Variants in EXOC6B observed in about 807,000 individuals in gnomAD.
The protein encoded by EXOC6B is SEC15 homolog B.
A neutral mutation model predicts 113.5 loss-of-function variants in EXOC6B; 54 were observed. That is an observed-to-expected ratio of 0.48 (90% CI 0.38 to 0.60). EXOC6B has a LOEUF of 0.60. Among genes scored for constraint, EXOC6B ranks in the 20% least tolerant of loss-of-function variants. The pLI is 0.00. For synonymous variants in EXOC6B, 357 were observed against 339.0 expected (o/e 1.05, Z -0.58); for missense variants, 797 against 977.5 (o/e 0.82, Z 2.46).
At chr2:72,433,379 G>A (rs1695664348) in intron 18 of EXOC6B, among the ~76,000 whole-genome samples, 2 of 152,052 alleles carry the variant, frequency 1.3e-5, no homozygotes, top group African/African-American at 4.8e-5. Context: ...ATATTGTCTT[G>A]GCTACATGGG....
At chr2:72,405,587 A>G (rs1693686891) in intron 18 of EXOC6B, among the ~76,000 whole-genome samples, 1 of 152,230 alleles carries the variant, frequency 6.6e-6, no homozygotes. Context: ...CAAGAATTTC[A>G]TATCCAGCAA....
At chr2:72,391,071 C>G (rs1692344521) in intron 18 of EXOC6B, among the ~76,000 whole-genome samples, 2 of 152,192 alleles carry the variant, frequency 1.3e-5, no homozygotes. Flanking sequence ...TGGGTTCACC[C>G]TTTCTTGCAC....
intron 11 of EXOC6B, among the ~76,000 whole-genome samples, chr2:72,505,085 ATTGTAGT>A (rs1700528811): frequency 1.3e-5 from 2 of 151,858 alleles, no homozygotes; most frequent in South Asian, 4.1e-4. Context: ...TTATAATTTT[ATTGTAGT>A]TTGATGTTTT....
chr2:72,784,843 T>G (rs11883986), intron 1 of EXOC6B, among the ~76,000 whole-genome samples: 10,216 of 152,128 alleles, frequency 0.067, 1,167 homozygotes, highest in African/African-American at 0.23. Context: ...AACCAATTAT[T>G]CCTTCCCAAC....
chr2:72,265,486 G>A (rs1317192285), intron 20 of EXOC6B, among the ~76,000 whole-genome samples: 1 of 148,186 alleles, frequency 6.7e-6, no homozygotes, highest in East Asian at 2.0e-4. Context: ...TCCCATCTCT[G>A]AGTGAGAACA....
intron 8 of EXOC6B, among the ~76,000 whole-genome samples, chr2:72,527,548 A>G (rs766682504): frequency 1.3e-5 from 2 of 151,942 alleles, no homozygotes; most frequent in Non-Finnish European, 2.9e-5. Flanking sequence ...ACTTATTTTC[A>G]TATCATTTAT....
At chr2:72,260,295 G>A (rs539546397) in intron 20 of EXOC6B, among the ~76,000 whole-genome samples, 2 of 152,238 alleles carry the variant, frequency 1.3e-5, no homozygotes, top group South Asian at 2.1e-4. Flanking sequence ...AACTTCCAGC[G>A]ATATCACAGG....
At chr2:72,438,204 C>T (rs1359528091) in intron 18 of EXOC6B, among the ~76,000 whole-genome samples, 1 of 151,958 alleles carries the variant, frequency 6.6e-6, no homozygotes, top group African/African-American at 2.4e-5. Flanking sequence ...CACCAATTTA[C>T]CTAGGATGGT....
intron 6 of EXOC6B, among the ~76,000 whole-genome samples, chr2:72,714,609 AG>A (rs1679487663): frequency 6.6e-6 from 1 of 152,100 alleles, no homozygotes; most frequent in African/African-American, 2.4e-5. Context: ...AAACAATATG[AG>A]AAAAAAAAAA....
chr2:72,671,749 G>GAGAAAGAA lies in EXOC6B; in HGVS notation c.669+46346_669+46353dup, dbSNP rs533048065. ...AAAGGAAGAAAGAGAGAGAGAGACA[G>GAGAAAGAA]AGAAAGAAAGAAAGAAAGAAAGAAA... On this transcript the variant is annotated intron_variant, in intron 6 of 21. Transcript: ENST00000272427. 2.5e-3 allele frequency among the ~76,000 whole-genome samples: 244 copies of GAGAAAGAA among 96,660 alleles called. 3 individuals are homozygous for GAGAAAGAA. The highest frequency in any genetic ancestry group is 5.7e-3 in the East Asian group (20 of 3,518). The allele number at this position is 96,660 out of a possible 152,430, so 63.4% of individuals were successfully genotyped here.
At chr2:72,576,287 G>A (rs1166830515) in intron 6 of EXOC6B, among the ~76,000 whole-genome samples, 1 of 151,956 alleles carries the variant, frequency 6.6e-6, no homozygotes, top group African/African-American at 2.4e-5. Context: ...GGGTTATAAA[G>A]GGTTTTAAAG....
intron 6 of EXOC6B, among the ~76,000 whole-genome samples, chr2:72,697,739 C>T (rs1009527579): frequency 1.3e-5 from 2 of 152,158 alleles, no homozygotes; most frequent in Non-Finnish European, 2.9e-5. Context: ...AAGTAAGAGT[C>T]TCCATAGTTC....
At chr2:72,219,781 T>C (rs940474136) in intron 20 of EXOC6B, among the ~76,000 whole-genome samples, 1 of 152,212 alleles carries the variant, frequency 6.6e-6, no homozygotes, top group African/African-American at 2.4e-5. Flanking sequence ...ACTATCATTA[T>C]AGCACTTTCA....
At chr2:72,272,895 A>C (rs1172510746) in intron 20 of EXOC6B, among the ~76,000 whole-genome samples, 1 of 152,176 alleles carries the variant, frequency 6.6e-6, no homozygotes, top group East Asian at 1.9e-4. Flanking sequence ...CCTCCTATTA[A>C]GTTTAGGTCA....
At chr2:72,383,354 T>C (rs1473203141) in intron 18 of EXOC6B, among the ~76,000 whole-genome samples, 1 of 152,134 alleles carries the variant, frequency 6.6e-6, no homozygotes, top group Admixed American at 6.6e-5. Context: ...CAGCCACTTT[T>C]CAAAAGAAGT....
At chr2:72,687,579 G>A (rs1456019489) in intron 6 of EXOC6B, among the ~76,000 whole-genome samples, 1 of 152,092 alleles carries the variant, frequency 6.6e-6, no homozygotes, top group Non-Finnish European at 1.5e-5. Context: ...ACAACGTTAA[G>A]TAGGGAAGAA....
chr2:72,566,056 C>T (rs768077090), intron 7 of EXOC6B, among the ~76,000 whole-genome samples: 2 of 151,488 alleles, frequency 1.3e-5, no homozygotes, highest in Non-Finnish European at 2.9e-5. Context: ...TGGTAAAATT[C>T]ACTCTTTCTA....
intron 20 of EXOC6B, among the ~76,000 whole-genome samples, chr2:72,290,230 C>G (rs1200600768): frequency 2.0e-5 from 3 of 152,096 alleles, no homozygotes; most frequent in Non-Finnish European, 2.9e-5. Context: ...TGAGCCAATT[C>G]CTTATTAATC....
At chr2:72,675,015 CTT>C (rs1676188294) in intron 6 of EXOC6B, among the ~76,000 whole-genome samples, 1 of 152,186 alleles carries the variant, frequency 6.6e-6, no homozygotes, top group Non-Finnish European at 1.5e-5. Flanking sequence ...TAATACTAAA[CTT>C]TGATGCATAA....
Sources: allele counts gnomAD v4.1 joint callset (sites outside exome capture counted in the v4.1 genomes callset), GRCh38; gene constraint gnomAD v4.1.1; transcripts MANE v1.5; gene names NCBI Gene and HGNC (gene_info 2026-07-23, HGNC 2026-07-21).